Variants in FRMD4A observed in about 807,000 individuals in gnomAD.
The protein encoded by FRMD4A is FERM domain containing 4A.
FRMD4A carries 29 observed loss-of-function variants against 129.1 expected under a neutral mutation model. That is an observed-to-expected ratio of 0.22 (90% CI 0.17 to 0.31). The LOEUF is 0.31. Among genes scored for constraint, FRMD4A ranks in the 10% least tolerant of loss-of-function variants. FRMD4A has a pLI of 1.00. For synonymous variants in FRMD4A, 634 were observed against 571.6 expected (o/e 1.11, Z -1.56); for missense variants, 1,272 against 1,375.8 (o/e 0.92, Z 1.19).
chr10:13,989,425 G>T (rs2095595476), intron 2 of FRMD4A, among the ~76,000 whole-genome samples: 1 of 151,908 alleles, frequency 6.6e-6, no homozygotes, highest in South Asian at 2.1e-4. Context: ...GCGCCATCTT[G>T]GCTCACTGCA....
At chr10:13,851,650 C>A (rs2094141133) in intron 3 of FRMD4A, among the ~76,000 whole-genome samples, 1 of 151,986 alleles carries the variant, frequency 6.6e-6, no homozygotes, top group Non-Finnish European at 1.5e-5. Context: ...ACCTGTAATC[C>A]CAGCATTTTG....
At chr10:13,701,311 C>G in intron 14 of FRMD4A, 29 bp downstream of exon 14, 1 of 1,600,542 alleles carries the variant, frequency 6.2e-7, no homozygotes, top group Non-Finnish European at 8.5e-7. Context: ...GACAATGGCC[C>G]GGGCTTGGTG....
chr10:13,803,977 C>T (rs745663353), intron 4 of FRMD4A, among the ~76,000 whole-genome samples: 6 of 152,208 alleles, frequency 3.9e-5, no homozygotes, highest in Non-Finnish European at 8.8e-5. Flanking sequence ...AGCCGCATCC[C>T]TAAGCTTTCC....
intron 15 of FRMD4A, among the ~76,000 whole-genome samples, chr10:13,687,446 GC>G (rs201106842): frequency 0.026 from 3,901 of 152,256 alleles, 92 homozygotes; most frequent in East Asian, 0.091. Flanking sequence ...AGTTATTGTT[GC>G]TTTGTTGTTG....
In FRMD4A at chr10:14,002,478, G is replaced by T. The variant is rs371831287; in HGVS notation, c.46-143566C>A. Reference sequence around the variant, plus strand: ...GTAGGTTAGCACGAGGATGGAGGCTGTTCCAGTGTAGGTCTTAATTCTGAT... The same window carrying T: ...GTAGGTTAGCACGAGGATGGAGGCTTTTCCAGTGTAGGTCTTAATTCTGAT... On this transcript the variant is annotated intron_variant, in intron 2 of 24. Transcript: ENST00000357447. Among the ~76,000 whole-genome samples, 25 of 152,324 alleles carry T rather than the reference G, an allele frequency of 1.6e-4. No homozygotes were observed. The South Asian group carries it at 5.0e-3, about 30-fold the overall frequency.
chr10:14,013,114 C>A (rs1389848361), intron 2 of FRMD4A, among the ~76,000 whole-genome samples: 2 of 152,066 alleles, frequency 1.3e-5, no homozygotes, highest in Non-Finnish European at 2.9e-5. Flanking sequence ...ACCTAAGGGG[C>A]CTTTCTGATT....
chr10:13,806,684 C>A (rs1272528648), intron 4 of FRMD4A, among the ~76,000 whole-genome samples: 1 of 152,212 alleles, frequency 6.6e-6, no homozygotes, highest in Non-Finnish European at 1.5e-5. Context: ...AAGCTGAGGT[C>A]ACACCCAAGC....
At chr10:13,761,504 G>A (rs1021548685) in intron 8 of FRMD4A, 143 bp downstream of exon 8, 3 of 655,416 alleles carry the variant, frequency 4.6e-6, no homozygotes, top group Admixed American at 2.7e-5. Flanking sequence ...CTGTTTCAGT[G>A]GACAAGTTGA....
At chr10:13,657,570 A>C in intron 21 of FRMD4A, 48 bp from the exon 22 acceptor site, 15 of 1,327,986 alleles carry the variant, frequency 1.1e-5, no homozygotes, top group East Asian at 6.0e-5. Flanking sequence ...AGTGGGCCCA[A>C]GGAGGGGTGC....
At chr10:14,025,340 AAT>A (rs1196689562) in intron 2 of FRMD4A, among the ~76,000 whole-genome samples, 1 of 152,130 alleles carries the variant, frequency 6.6e-6, no homozygotes, top group East Asian at 1.9e-4. Context: ...ATTGTGGTAA[AAT>A]ATACCTCACA....
intron 3 of FRMD4A, among the ~76,000 whole-genome samples, chr10:13,850,450 T>C (rs2094125507): frequency 6.6e-6 from 1 of 152,182 alleles, no homozygotes; most frequent in Non-Finnish European, 1.5e-5. Context: ...TCCACTGCTG[T>C]GGAAGTGTCT....
At chr10:14,255,780 T>C (rs967791627) in intron 2 of FRMD4A, among the ~76,000 whole-genome samples, 3 of 152,056 alleles carry the variant, frequency 2.0e-5, no homozygotes, top group Non-Finnish European at 4.4e-5. Flanking sequence ...CCGAGGCAGG[T>C]GGATCACTTG....
intron 2 of FRMD4A, among the ~76,000 whole-genome samples, chr10:13,981,381 G>C (rs933462574): frequency 6.6e-6 from 1 of 152,180 alleles, no homozygotes; most frequent in South Asian, 2.1e-4. Flanking sequence ...CAGGAGGCCA[G>C]AAACTAGGTA....
chr10:13,873,641 G>A (rs542895072), intron 2 of FRMD4A, among the ~76,000 whole-genome samples: 1 of 152,276 alleles, frequency 6.6e-6, no homozygotes, highest in African/African-American at 2.4e-5. Context: ...CTGTCTCCCA[G>A]GTTCAAGTGA....
At chr10:13,683,314 G>A (rs2084779879) in intron 15 of FRMD4A, among the ~76,000 whole-genome samples, 1 of 152,104 alleles carries the variant, frequency 6.6e-6, no homozygotes, top group Non-Finnish European at 1.5e-5. Flanking sequence ...GCCGGGCCTG[G>A]TGGCTTTCAC....
At chr10:13,983,798 G>A (rs995230738) in intron 2 of FRMD4A, among the ~76,000 whole-genome samples, 2 of 151,602 alleles carry the variant, frequency 1.3e-5, no homozygotes, top group African/African-American at 2.4e-5. Context: ...TCAGGAGTTC[G>A]AGACCAAATT....
chr10:14,260,124 T>A (rs990161079), intron 2 of FRMD4A, among the ~76,000 whole-genome samples: 25 of 151,772 alleles, frequency 1.6e-4, no homozygotes, highest in Middle Eastern at 3.4e-3. Flanking sequence ...AGGGAGAACA[T>A]CGTGGAAAGA....
chr10:14,066,308 T>A (rs904392310), intron 2 of FRMD4A, among the ~76,000 whole-genome samples: 14 of 83,878 alleles, frequency 1.7e-4, no homozygotes, highest in Non-Finnish European at 2.9e-4. Context: ...TTCCTCTTGG[T>A]GGGGGGTGTG....
chr10:13,761,715 GT>G, intron 7 of FRMD4A, 46 bp from the exon 8 acceptor site: 1 of 1,350,954 alleles, frequency 7.4e-7, no homozygotes, highest in Non-Finnish European at 1.1e-6. Context: ...CTAAGCCAAT[GT>G]TAGAGACTCT....
Sources: gnomAD v4.1 joint callset for allele counts (sites outside exome capture counted in the v4.1 genomes callset) on GRCh38, gnomAD v4.1.1 for gene constraint, MANE v1.5 for transcripts, NCBI Gene and HGNC (gene_info 2026-07-23, HGNC 2026-07-21) for gene names.